SLC2A14: variants seen among roughly 807,000 people sequenced by gnomAD.
SLC2A14 encodes the protein solute carrier family 2 member 14.
In SLC2A14, 13 loss-of-function variants were observed where a neutral mutation model predicts 43.0. That is an observed-to-expected ratio of 0.30 (90% CI 0.20 to 0.48). SLC2A14 has a LOEUF of 0.48. Ranked by LOEUF, SLC2A14 falls within the 20% of genes least tolerant of loss-of-function variation. The pLI is 0.99. For synonymous variants in SLC2A14, 190 were observed against 233.8 expected (o/e 0.81, Z 1.71); for missense variants, 428 against 620.4 (o/e 0.69, Z 3.29).
chr12:7,869,772 C>T (rs1945127509), intron 2 of SLC2A14, 91 bp downstream of exon 2: 1 of 811,474 alleles, frequency 1.2e-6, no homozygotes, highest in Non-Finnish European at 2.0e-6. Flanking sequence ...ATTATCAAGA[C>T]ATGAAAAGTT....
At position 7,844,197 on chromosome 12, in the gene SLC2A14, C is replaced by T. The variant is rs570043624; in HGVS notation, c.19-11383G>A. On this transcript the variant is annotated intron_variant, in intron 2 of 10. Transcript: ENST00000431042. ...AAGAAATTGCTATTTTTACTTCCGCCATCATCAATGAATTTTGTTGTTCTT... is the reference window on the plus strand; with the variant it reads ...AAGAAATTGCTATTTTTACTTCCGCTATCATCAATGAATTTTGTTGTTCTT... 2.8e-4 allele frequency among the ~76,000 whole-genome samples: 43 copies of T among 152,280 alleles called. No homozygotes were observed. In the South Asian group the frequency reaches 8.5e-3, roughly 30 times the overall value.
upstream of SLC2A14, among the ~76,000 whole-genome samples, chr12:7,877,253 C>T (rs1391888559): frequency 6.6e-6 from 1 of 151,972 alleles, no homozygotes; most frequent in African/African-American, 2.4e-5. Flanking sequence ...CCGCCTCGGC[C>T]TCCCAAAGTG....
chr12:7,878,347 GC>G (rs1945500141), upstream of SLC2A14, among the ~76,000 whole-genome samples: 1 of 151,854 alleles, frequency 6.6e-6, no homozygotes, highest in Non-Finnish European at 1.5e-5. Context: ...CACTGTGCCA[GC>G]CCTGGGTTCA....
intron 2 of SLC2A14, among the ~76,000 whole-genome samples, chr12:7,844,586 G>A (rs1217803708): frequency 2.0e-5 from 3 of 150,238 alleles, no homozygotes; most frequent in African/African-American, 7.4e-5. Flanking sequence ...ACCCAGGCTG[G>A]AGTTCAGTGG....
At position 7,828,768 on chromosome 12, in the gene SLC2A14, T is replaced by G. The variant is rs774494546; in HGVS notation, c.612A>C (p.Pro204=). 1.2e-6 allele frequency: 2 copies of G among 1,614,024 alleles called. No homozygotes were observed. Among genetic ancestry groups the G allele is most frequent in the Non-Finnish European group, 1.7e-6 (2 of 1,180,022 alleles). Reference sequence around the variant, plus strand: ...AAAATCTGGGACTTTCAGGGCAACATGGAAGGGCTGCACTTTGCAGGATAG... The same window carrying G: ...AAAATCTGGGACTTTCAGGGCAACAGGGAAGGGCTGCACTTTGCAGGATAG... The part of the protein sequence containing the change: ...LPAILQSAAL[P]CCPESPRFLL... Residue 204 remains proline (P), a synonymous_variant, in exon 6 of 11, where the codon CCA becomes CCC. Coordinates refer to ENST00000431042, the MANE Select transcript of SLC2A14 (RefSeq NM_001286234.2).
At chr12:7,876,229 C>T (rs986829596), upstream of SLC2A14, among the ~76,000 whole-genome samples, 18 of 136,946 alleles carry the variant, frequency 1.3e-4, no homozygotes, top group South Asian at 4.7e-4. Context: ...TGCAGTGAGT[C>T]GAGATCGCGC....
chr12:7,866,944 GT>G (rs1321770731), intron 2 of SLC2A14, among the ~76,000 whole-genome samples: 185 of 143,036 alleles, frequency 1.3e-3, no homozygotes, highest in African/African-American at 1.5e-3. Context: ...GACTTTCATG[GT>G]TTTTTTTTTT....
At chr12:7,875,209 ATTTATAT>A (rs1211206035), upstream of SLC2A14, among the ~76,000 whole-genome samples, 3 of 129,390 alleles carry the variant, frequency 2.3e-5, no homozygotes, top group East Asian at 6.7e-4. Context: ...ATATATTTAT[ATTTATAT>A]ATTTATATAT....
At chr12:7,827,095 CTCTTTCTT>C (rs1555122320) in intron 7 of SLC2A14, among the ~76,000 whole-genome samples, 4 of 53,570 alleles carry the variant, frequency 7.5e-5, no homozygotes, top group South Asian at 5.3e-4. Flanking sequence ...TTCTTTCTTT[CTCTTTCTT>C]TCTTTCTTTC....
In SLC2A14 at chr12:7,828,828, T is replaced by C. The variant is rs756566766; in HGVS notation, c.552A>G (p.Leu184=). 2 of 1,614,184 alleles carry C rather than the reference T, an allele frequency of 1.2e-6. No individual in the cohort carries two copies. The highest frequency in any genetic ancestry group is 4.5e-5 in the East Asian group (2 of 44,880). The change falls in exon 6 of 11, where the codon CTA becomes CTG. Residue 184 remains leucine, a synonymous_variant. Coordinates refer to ENST00000431042, the MANE Select transcript of SLC2A14 (RefSeq NM_001286234.2). ...GLELILGSEE[L]WPVLLGFTIL... is the part of the protein sequence containing the mutation. Reference sequence around the variant, plus strand: ...TGGTAAAGCCTAATAGCACCGGCCATAGCTCTTCAGACCCAAGGATGAGTT... The same window carrying C: ...TGGTAAAGCCTAATAGCACCGGCCACAGCTCTTCAGACCCAAGGATGAGTT...
chr12:7,863,376 G>A (rs1944711389), intron 2 of SLC2A14: 1 of 453,388 alleles, frequency 2.2e-6, no homozygotes, highest in Admixed American at 2.4e-5. Flanking sequence ...CACTGCGAGG[G>A]TGTGCGGCTT....
intron 2 of SLC2A14, among the ~76,000 whole-genome samples, chr12:7,855,826 G>A (rs1039766424): frequency 1.9e-4 from 28 of 151,298 alleles, no homozygotes; most frequent in East Asian, 3.9e-4. Context: ...TAGTAGAAAC[G>A]GGGTTTCACC....
At chr12:7,871,005 A>T in intron 1 of SLC2A14, 1 of 1,436,630 alleles carries the variant, frequency 7.0e-7, no homozygotes, top group Non-Finnish European at 9.4e-7. Flanking sequence ...GGCTTCAATG[A>T]CAAGGGGGAC....
At chr12:7,865,337 A>G (rs1326583201) in intron 2 of SLC2A14, among the ~76,000 whole-genome samples, 4 of 152,048 alleles carry the variant, frequency 2.6e-5, no homozygotes. Context: ...GGAGATCGAG[A>G]CCATCCTGGC....
chr12:7,851,059 A>C (rs1446862405), intron 2 of SLC2A14, among the ~76,000 whole-genome samples: 5 of 152,188 alleles, frequency 3.3e-5, no homozygotes, highest in Non-Finnish European at 5.9e-5. Flanking sequence ...AACAGCAGAA[A>C]GCATTTTCTG....
chr12:7,830,910 G>A (rs1864964269), intron 4 of SLC2A14, among the ~76,000 whole-genome samples: 1 of 152,012 alleles, frequency 6.6e-6, no homozygotes, highest in South Asian at 2.1e-4. Flanking sequence ...GATCACGTAA[G>A]GTCAGGAGTT....
At chr12:7,814,944 T>C (rs11610337) in intron 10 of SLC2A14, among the ~76,000 whole-genome samples, 51,662 of 151,574 alleles carry the variant, frequency 0.34, 9,565 homozygotes, top group South Asian at 0.47. Flanking sequence ...GGACTACAGG[T>C]GCCCACCAGC....
chr12:7,844,739 T>C (rs891879498), intron 2 of SLC2A14, among the ~76,000 whole-genome samples: 8 of 152,086 alleles, frequency 5.3e-5, no homozygotes, highest in African/African-American at 1.9e-4. Flanking sequence ...TTTCACCATA[T>C]TGGCCAGGCT....
At chr12:7,830,820 A>G (rs1025326834) in intron 4 of SLC2A14, among the ~76,000 whole-genome samples, 4 of 152,204 alleles carry the variant, frequency 2.6e-5, no homozygotes, top group Non-Finnish European at 5.9e-5. Flanking sequence ...AAGCTAGTAT[A>G]AAATAAGAAG....
Sources: allele counts gnomAD v4.1 joint callset (sites outside exome capture counted in the v4.1 genomes callset), GRCh38; gene constraint gnomAD v4.1.1; transcripts MANE v1.5; gene names NCBI Gene and HGNC (gene_info 2026-07-23, HGNC 2026-07-21).